Variants in SORBS3 observed in about 807,000 individuals in gnomAD.
SORBS3 encodes the protein sorbin and SH3 domain containing 3, also known as vinexin.
In SORBS3, 69 loss-of-function variants were observed where a neutral mutation model predicts 98.0. That is an observed-to-expected ratio of 0.70 (90% CI 0.58 to 0.86). The LOEUF is 0.86. Ranked by LOEUF, SORBS3 falls within the 40% of genes least tolerant of loss-of-function variation. SORBS3 has a pLI of 0.00. For missense variants in SORBS3, 954 were observed against 908.5 expected (o/e 1.05, Z -0.64); for synonymous variants, 394 against 355.4 (o/e 1.11, Z -1.22).
At position 22,558,161 on chromosome 8, in the gene SORBS3, A is replaced by G; in HGVS notation, c.447A>G (p.Arg149=). ...SVDRPRDWYR[R]MFQQIHRKMP... is the part of the protein sequence containing the mutation. ...ACAGACCCAGAGACTGGTACCGGAG[A>G]ATGTTCCAGCAGATTCACCGGAAAA... Residue 149 remains arginine, a synonymous_variant, in exon 5 of 21, where the codon AGA becomes AGG. Coordinates refer to ENST00000240123, the MANE Select transcript of SORBS3 (RefSeq NM_005775.5). 6.2e-7 allele frequency: 1 copy of G among 1,614,084 alleles called. No individual in the cohort carries two copies. The highest frequency in any genetic ancestry group is 8.5e-7 in the Non-Finnish European group (1 of 1,180,014).
At chr8:22,572,290 G>T (rs777933298) in intron 19 of SORBS3, 50 bp from the exon 20 acceptor site, 1 of 1,502,328 alleles carries the variant, frequency 6.7e-7, no homozygotes, top group Non-Finnish European at 9.3e-7. Flanking sequence ...CAACACTTGG[G>T]TTAGAGCCTC....
At position 22,556,554 on chromosome 8, in the gene SORBS3, C is replaced by G. The variant is rs371522861; in HGVS notation, c.221-161C>G. On this transcript the variant is annotated intron_variant, in intron 3 of 20. Transcript: ENST00000240123. ...TCAAATCCATTTAAATTCACTTAAACAAACAGAGGCCCGTGGTGCTCTGAG... is the reference window on the plus strand; with the variant it reads ...TCAAATCCATTTAAATTCACTTAAAGAAACAGAGGCCCGTGGTGCTCTGAG... 7.8e-6 allele frequency: 5 copies of G among 640,774 alleles called. No individual in the cohort carries two copies. The Admixed American group carries it at 1.0e-4, about 13-fold the overall frequency. 39.7% of individuals were successfully genotyped at this position (640,774 alleles called of 1,614,324 possible).
chr8:22,546,866 TC>T (rs1377092870), intron 1 of SORBS3, among the ~76,000 whole-genome samples: 1 of 151,738 alleles, frequency 6.6e-6, no homozygotes, highest in Non-Finnish European at 1.5e-5. Context: ...AAAAACAAGC[TC>T]CCCTGGGCAA....
In SORBS3 at chr8:22,567,908, C is replaced by T. The variant is rs147247279; in HGVS notation, c.1305+733C>T. The stretch of plus-strand genomic sequence containing the variant: ...TGCTGTCCAGGCTGGAGTGCAGTGG[C>T]GGGATCTTGGTGCACTGCAACCTCC... On this transcript the variant is annotated intron_variant, in intron 16 of 20. Transcript: ENST00000240123. Among the ~76,000 whole-genome samples, 257 of 147,480 alleles carry T rather than the reference C, an allele frequency of 1.7e-3. 5 individuals carry two copies. The East Asian group carries it at 0.045, about 26-fold the overall frequency.
chr8:22,545,934 T>C (rs575540170), intron 1 of SORBS3, among the ~76,000 whole-genome samples: 1 of 152,342 alleles, frequency 6.6e-6, no homozygotes, highest in East Asian at 1.9e-4. Context: ...TAGCTGTTTT[T>C]CCCAATAGTT....
intron 17 of SORBS3, among the ~76,000 whole-genome samples, chr8:22,570,631 C>T (rs1270804824): frequency 6.6e-6 from 1 of 152,182 alleles, no homozygotes; most frequent in African/African-American, 2.4e-5. Flanking sequence ...GTGATCGGAG[C>T]TCTGGGGAGG....
chr8:22,547,717 T>G (rs1840030629), upstream of SORBS3, among the ~76,000 whole-genome samples: 1 of 152,234 alleles, frequency 6.6e-6, no homozygotes, highest in Non-Finnish European at 1.5e-5. Context: ...TTTCTAGAGC[T>G]GACAGCCACT....
intron 16 of SORBS3, among the ~76,000 whole-genome samples, chr8:22,567,536 TAA>T (rs1840458109): frequency 6.6e-6 from 1 of 152,232 alleles, no homozygotes; most frequent in South Asian, 2.1e-4. Context: ...TATACACGCA[TAA>T]CCTCTTTCAG....
At chr8:22,569,970 C>T (rs1004309763) in intron 17 of SORBS3, among the ~76,000 whole-genome samples, 2 of 152,164 alleles carry the variant, frequency 1.3e-5, no homozygotes, top group East Asian at 1.9e-4. Flanking sequence ...GCATGCGTTG[C>T]GAGCAGAAAG....
At position 22,569,284 on chromosome 8, in the gene SORBS3, C is replaced by A. The variant is rs762710582; in HGVS notation, c.1431+11C>A. 1.9e-6 allele frequency: 3 copies of A among 1,577,874 alleles called. No individual in the cohort carries two copies. Among genetic ancestry groups the A allele is most frequent in the South Asian group, 2.3e-5 (2 of 86,866 alleles). ...CTGTCCTTCCGCAAGGTGGGCCAGG[C>A]CGGAGACGGAGGGGTGGGTGGGGGC... On this transcript the variant is annotated intron_variant, in intron 17 of 20. Coordinates refer to ENST00000240123, the MANE Select transcript of SORBS3 (RefSeq NM_005775.5).
intron 10 of SORBS3, chr8:22,564,787 T>C: frequency 7.3e-7 from 1 of 1,364,482 alleles, no homozygotes; most frequent in Non-Finnish European, 9.5e-7. Flanking sequence ...GGAAATATTC[T>C]TGGAGGTGGA....
In SORBS3 at chr8:22,554,649, G is replaced by T. The variant is rs966181093; in HGVS notation, c.102+41G>T. On this transcript the variant is annotated intron_variant, in intron 2 of 20. Coordinates refer to ENST00000240123, the MANE Select transcript of SORBS3 (RefSeq NM_005775.5). This position sits in a 1 kb window ranked among gnomAD's most constrained non-coding sequence, Gnocchi z 6.5. ...GGGAGGAGGGTGTCCTGCGGGCCCGGAGTTGGTTGGGACGCTAGCAGGTCA... is the reference window on the plus strand; with the variant it reads ...GGGAGGAGGGTGTCCTGCGGGCCCGTAGTTGGTTGGGACGCTAGCAGGTCA... The T allele has an allele frequency of 8.9e-6, 14 of 1,573,338 alleles. No homozygotes were observed. The highest frequency in any genetic ancestry group is 1.2e-5 in the Non-Finnish European group (14 of 1,163,170).
chr8:22,554,784 G>C lies in SORBS3; in HGVS notation c.103-79G>C, dbSNP rs1840153551. On this transcript the variant is annotated intron_variant, in intron 2 of 20. Coordinates refer to ENST00000240123, the MANE Select transcript of SORBS3 (RefSeq NM_005775.5). This position sits in a 1 kb window ranked among gnomAD's most constrained non-coding sequence, Gnocchi z 6.5. ...GCGGGCCTGGGACTGTCACCGAGGG[G>C]TGTGGGCTGTGCCTAGTAGCCATCC... The C allele has an allele frequency of 6.9e-7, 1 of 1,453,732 alleles. No homozygotes were observed. The highest frequency in any genetic ancestry group is 9.5e-7 in the Non-Finnish European group (1 of 1,055,910). The allele number at this position is 1,453,732 out of a possible 1,614,324, so 90.1% of individuals were successfully genotyped here.
At position 22,564,016 on chromosome 8, in the gene SORBS3, C is replaced by G. The variant is rs748975671; in HGVS notation, c.614C>G (p.Pro205Arg). The G allele has an allele frequency of 1.2e-6, 2 of 1,613,876 alleles. No homozygotes were observed. Among genetic ancestry groups the G allele is most frequent in the African/African-American group, 1.3e-5 (1 of 74,932 alleles). The change falls in exon 8 of 21, where the codon CCT (proline) becomes CGT (arginine). Residue 205 changes from proline to arginine, a missense_variant. Transcript: ENST00000240123. ...AGCTGGGACCACTCTGAAGAGTTACCTAGAAGCACCTTCAACTACAGACCT... is the reference window on the plus strand; with the variant it reads ...AGCTGGGACCACTCTGAAGAGTTACGTAGAAGCACCTTCAACTACAGACCT... The part of the protein sequence containing the change: ...GRSWDHSEEL[P>R]RSTFNYRPGA...
rs200266411 is a variant in SORBS3 at position 22,561,931 on chromosome 8, G to T, written c.584G>T (p.Gly195Val). ...HRPGPATSSSGRSWDHSEELP... is the reference protein window; with the variant it reads ...HRPGPATSSSVRSWDHSEELP... ...CCCGGCCCGGCAACATCTTCCAGTG[G>T]GTGAGCACAGTGGGGCGGGGCCGAG... is the stretch of plus-strand genomic sequence containing the variant. Residue 195 changes from glycine (G) to valine (V), a missense_variant and splice_region_variant, in exon 7 of 21, where the codon GGA becomes GTA. Transcript: ENST00000240123. 235 of 1,613,936 alleles carry T rather than the reference G, an allele frequency of 1.5e-4. No individual in the cohort carries two copies. Among genetic ancestry groups the T allele is most frequent in the Non-Finnish European group, 1.7e-4 (201 of 1,179,900 alleles).
chr8:22,551,921 C>G (rs1205197271), upstream of SORBS3: 10 of 985,392 alleles, frequency 1.0e-5, no homozygotes, highest in Non-Finnish European at 1.2e-5. The surrounding 1 kb of genome is among the most constrained non-coding windows in gnomAD (Gnocchi z 5.8). Flanking sequence ...CGCGCTTCTC[C>G]TTGCCCTTCC....
intron 8 of SORBS3, 86 bp from the exon 9 acceptor site, chr8:22,564,197 G>C: frequency 6.7e-7 from 1 of 1,483,886 alleles, no homozygotes; most frequent in Non-Finnish European, 9.3e-7. Context: ...CAGGGGAAGG[G>C]CAGGGGCCTG....
chr8:22,569,130 T>C lies in SORBS3; in HGVS notation c.1306-18T>C, dbSNP rs201793043. Reference sequence around the variant, plus strand: ...TGATGCCCAGGCCAAATCTTTCTCATGACCTTTCTTCATGCAGGTGCTGCC... The same window carrying C: ...TGATGCCCAGGCCAAATCTTTCTCACGACCTTTCTTCATGCAGGTGCTGCC... On this transcript the variant is annotated intron_variant, in intron 16 of 20. Coordinates refer to ENST00000240123, the MANE Select transcript of SORBS3 (RefSeq NM_005775.5). The C allele has an allele frequency of 4.5e-5, 72 of 1,593,022 alleles. No individual in the cohort carries two copies. The African/African-American group carries it at 8.8e-4, about 19-fold the overall frequency.
intron 16 of SORBS3, among the ~76,000 whole-genome samples, chr8:22,567,569 C>T (rs1441164748): frequency 2.0e-5 from 3 of 152,204 alleles, no homozygotes; most frequent in African/African-American, 4.8e-5. Context: ...GCCCTGGTTC[C>T]TCTCACTGCC....
Sources: gnomAD v4.1 joint callset for allele counts (sites outside exome capture counted in the v4.1 genomes callset) on GRCh38, gnomAD v4.1.1 for gene constraint, Gnocchi (gnomAD v3.1) non-coding constraint, MANE v1.5 for transcripts, NCBI Gene and HGNC (gene_info 2026-07-23, HGNC 2026-07-21) for gene names.